Variants in WDR7 observed in about 807,000 individuals in gnomAD.
WDR7 encodes the protein WD repeat domain 7.
A neutral mutation model predicts 169.4 loss-of-function variants in WDR7; 46 were observed. The ratio of observed to expected loss-of-function variants is 0.27; its 90% CI spans 0.21 to 0.35. WDR7 has a LOEUF of 0.35. Among genes scored for constraint, WDR7 ranks in the 10% least tolerant of loss-of-function variants. The pLI, the probability that WDR7 is intolerant of heterozygous loss-of-function variation, is 1.00. For missense variants in WDR7, 1,534 were observed against 1,859.3 expected (o/e 0.83, Z 3.22); for synonymous variants, 612 against 666.8 (o/e 0.92, Z 1.27).
At chr18:56,877,651 TTATC>T (rs1399937603) in intron 20 of WDR7, among the ~76,000 whole-genome samples, 4 of 152,236 alleles carry the variant, frequency 2.6e-5, no homozygotes, top group African/African-American at 7.2e-5. Flanking sequence ...TCTGTTGGTG[TTATC>T]TATCTGTCAC....
At position 56,710,466 on chromosome 18, in the gene WDR7, C is replaced by T. The variant is rs116888873; in HGVS notation, c.1579-7498C>T. ...TTGCTTATTCATGAAAGTAATTTTC[C>T]ATTACATTGTGTGAGCATACCATAT... On this transcript the variant is annotated intron_variant, in intron 12 of 27. Transcript: ENST00000254442. 1.8e-3 allele frequency among the ~76,000 whole-genome samples: 269 copies of T among 152,174 alleles called. 3 individuals carry two copies. In the East Asian group the frequency reaches 0.044, roughly 25 times the overall value.
chr18:56,780,725 G>A lies in WDR7; in HGVS notation c.3067-808G>A, dbSNP rs1162048244. Among the ~76,000 whole-genome samples the A allele has an allele frequency of 4.6e-5, 7 of 152,254 alleles. No homozygotes were observed. The East Asian group carries it at 5.8e-4, about 13-fold the overall frequency. On this transcript the variant is annotated intron_variant, in intron 18 of 27. Transcript: ENST00000254442. ...TGAGGCCCAAGTATTACTGGAGCCCGGGAGGTGGAAGTTGCAGTGAGCCGA... is the reference window on the plus strand; with the variant it reads ...TGAGGCCCAAGTATTACTGGAGCCCAGGAGGTGGAAGTTGCAGTGAGCCGA...
chr18:56,952,344 C>T (rs1466586622), intron 25 of WDR7, among the ~76,000 whole-genome samples: 2 of 152,226 alleles, frequency 1.3e-5, no homozygotes, highest in Non-Finnish European at 2.9e-5. Context: ...TGGCAACATT[C>T]AACTCCAAAA....
At chr18:56,895,488 AT>A (rs59350751) in intron 21 of WDR7, among the ~76,000 whole-genome samples, 107,460 of 151,268 alleles carry the variant, frequency 0.71, 39,537 homozygotes, top group East Asian at 0.83. Flanking sequence ...TTTTTTAAAA[AT>A]TTTTTTTACA....
chr18:56,761,711 A>G (rs1159944179), intron 16 of WDR7, among the ~76,000 whole-genome samples: 1 of 151,820 alleles, frequency 6.6e-6, no homozygotes, highest in East Asian at 1.9e-4. Flanking sequence ...TTTTAGATAT[A>G]TAACATATAT....
Position 56,864,630 on chromosome 18 carries a change from G to A in WDR7, c.3305-15314G>A, listed in dbSNP as rs569250239. Among the ~76,000 whole-genome samples the A allele has an allele frequency of 2.8e-4, 43 of 151,442 alleles. 1 individual carries two copies. Among genetic ancestry groups the A allele is most frequent in the Admixed American group, 2.6e-3 (39 of 15,204 alleles). ...TCTGTGTTATGTATTTAACCTCTCGGGTAATAGAAGATAAATATATCTTAA... is the reference window on the plus strand; with the variant it reads ...TCTGTGTTATGTATTTAACCTCTCGAGTAATAGAAGATAAATATATCTTAA... On this transcript the variant is annotated intron_variant, in intron 20 of 27. Coordinates refer to ENST00000254442, the MANE Select transcript of WDR7 (RefSeq NM_015285.3).
chr18:56,728,705 A>G (rs1039803609), intron 13 of WDR7, among the ~76,000 whole-genome samples: 4 of 152,026 alleles, frequency 2.6e-5, no homozygotes, highest in African/African-American at 7.2e-5. Context: ...GGTTGCTTTC[A>G]TGTGTTGATT....
At chr18:56,935,670 C>T in intron 22 of WDR7, 118 bp from the exon 23 acceptor site, 3 of 904,454 alleles carry the variant, frequency 3.3e-6, no homozygotes, top group African/African-American at 3.2e-5. Flanking sequence ...CCATTATATT[C>T]TAACTGTTTG....
At chr18:56,798,045 CTG>C (rs1254749526) in intron 19 of WDR7, among the ~76,000 whole-genome samples, 3 of 152,098 alleles carry the variant, frequency 2.0e-5, no homozygotes, top group Admixed American at 6.6e-5. Flanking sequence ...TTTCTGTAAT[CTG>C]TTACATGATG....
rs181269264 is a variant in WDR7 at position 56,765,296 on chromosome 18, G to A, written c.2848+6343G>A. On this transcript the variant is annotated intron_variant, in intron 16 of 27. Transcript: ENST00000254442. ...ATCCTACTACCTTATTTTTCTCTTCGTTGCATTTATTTTTTGTTCTTTTTC... is the reference window on the plus strand; with the variant it reads ...ATCCTACTACCTTATTTTTCTCTTCATTGCATTTATTTTTTGTTCTTTTTC... 8.1e-4 allele frequency among the ~76,000 whole-genome samples: 123 copies of A among 151,738 alleles called. 2 individuals carry two copies. The highest frequency in any genetic ancestry group is 6.9e-4 in the Non-Finnish European group (47 of 67,852).
At chr18:56,965,372 A>G (rs1395853404) in intron 26 of WDR7, among the ~76,000 whole-genome samples, 1 of 151,712 alleles carries the variant, frequency 6.6e-6, no homozygotes, top group Admixed American at 6.6e-5. Flanking sequence ...TCATTGTGAG[A>G]TTGGTTGGTA....
At chr18:57,034,735 AAAAAAG>A (rs2048457393), downstream of WDR7, 1 of 152,122 alleles carries the variant, frequency 6.6e-6, no homozygotes, top group Non-Finnish European at 1.5e-5. Flanking sequence ...AGTGCTCTGG[AAAAAAG>A]ACAATGAAAA....
intron 21 of WDR7, among the ~76,000 whole-genome samples, chr18:56,892,811 A>G (rs977273765): frequency 2.0e-5 from 3 of 152,100 alleles, no homozygotes; most frequent in Non-Finnish European, 2.9e-5. Flanking sequence ...ATACTTCAGT[A>G]GTTAAATATA....
At chr18:56,864,335 A>T (rs1382480297) in intron 20 of WDR7, among the ~76,000 whole-genome samples, 1 of 151,620 alleles carries the variant, frequency 6.6e-6, no homozygotes, top group Admixed American at 6.6e-5. Flanking sequence ...CATGACTCTC[A>T]CTTAGCTTGA....
At chr18:56,826,042 T>C (rs567325111) in intron 20 of WDR7, among the ~76,000 whole-genome samples, 1 of 152,270 alleles carries the variant, frequency 6.6e-6, no homozygotes, top group African/African-American at 2.4e-5. Flanking sequence ...ATAATGTAGA[T>C]GCTGCATTGG....
At chr18:56,696,136 C>T in intron 11 of WDR7, 106 bp from the exon 12 acceptor site, 1 of 944,162 alleles carries the variant, frequency 1.1e-6, no homozygotes, top group South Asian at 1.8e-5. Flanking sequence ...GAAGCCTTTG[C>T]TGTGATATAA....
chr18:56,892,196 C>CTGAAATTATAGACCTCTA, intron 21 of WDR7, among the ~76,000 whole-genome samples: 1 of 152,188 alleles, frequency 6.6e-6, no homozygotes, highest in Middle Eastern at 3.4e-3. Context: ...CCATTTCCAT[C>CTGAAATTATAGACCTCTA]TGAAATTATA....
chr18:56,735,028 T>C (rs2026669310), intron 14 of WDR7, among the ~76,000 whole-genome samples: 2 of 152,186 alleles, frequency 1.3e-5, no homozygotes, highest in African/African-American at 4.8e-5. Flanking sequence ...GCTGACATGA[T>C]GCTGAATACT....
chr18:56,756,489 C>A, intron 14 of WDR7, 94 bp from the exon 15 acceptor site: 2 of 1,121,686 alleles, frequency 1.8e-6, no homozygotes, highest in Non-Finnish European at 2.4e-6. Context: ...GCTTAATAAG[C>A]ATGTTAATTC....
Sources: gnomAD v4.1 joint callset for allele counts (sites outside exome capture counted in the v4.1 genomes callset) on GRCh38, gnomAD v4.1.1 for gene constraint, MANE v1.5 for transcripts, NCBI Gene and HGNC (gene_info 2026-07-23, HGNC 2026-07-21) for gene names.